PHKA2: variants seen among roughly 807,000 people sequenced by gnomAD.
PHKA2 encodes phosphorylase b kinase regulatory subunit alpha, liver isoform.
PHKA2 carries 31 observed loss-of-function variants against 102.0 expected under a neutral mutation model. The observed-to-expected ratio is 0.30, with a 90% CI of 0.23 to 0.41. PHKA2 has a LOEUF of 0.41. PHKA2 is among the 10% of genes least tolerant of loss of function. The pLI, the probability that PHKA2 is intolerant of heterozygous loss-of-function variation, is 1.00. For synonymous variants in PHKA2, 455 were observed against 416.2 expected (o/e 1.09, Z -1.13); for missense variants, 858 against 1,023.1 (o/e 0.84, Z 2.20).
chrX:18,927,565 C>T (rs1453220255), intron 13 of PHKA2, among the ~76,000 whole-genome samples: 6 of 112,187 alleles, frequency 5.3e-5, no homozygotes, highest in Non-Finnish European at 1.1e-4. Context: ...ATGTACAATA[C>T]ATATACATGC....
At chrX:18,899,354 G>T in intron 28 of PHKA2, 128 bp from the exon 29 acceptor site, 2 of 587,356 alleles carry the variant, frequency 3.4e-6, no homozygotes, top group East Asian at 7.1e-5. Flanking sequence ...GCGCAGAGAA[G>T]GTGCCACAGC....
chrX:18,910,599 T>C (rs1457543062), intron 20 of PHKA2, among the ~76,000 whole-genome samples: 1 of 112,328 alleles, frequency 8.9e-6, no homozygotes, highest in African/African-American at 3.2e-5. Flanking sequence ...AGTGGCTACA[T>C]AGACTCTGAT....
In PHKA2 at chrX:18,929,419, T is replaced by G. The variant is rs960737319; in HGVS notation, c.1246-113A>C. On this transcript the variant is annotated intron_variant, in intron 12 of 32. Transcript: ENST00000379942. ...GCTCAACATATTCAAGACTTTTTTCTTTATATTTTTCGAGTCAATTGCTTA... is the reference window on the plus strand; with the variant it reads ...GCTCAACATATTCAAGACTTTTTTCGTTATATTTTTCGAGTCAATTGCTTA... 24 of 551,949 alleles carry G rather than the reference T, an allele frequency of 4.3e-5. No individual in the cohort carries two copies. In the African/African-American group the frequency reaches 4.8e-4, roughly 11 times the overall value. 45.5% of individuals were successfully genotyped at this position (551,949 alleles called of 1,213,427 possible).
intron 1 of PHKA2, among the ~76,000 whole-genome samples, chrX:18,972,636 A>C (rs2049031762): frequency 8.9e-6 from 1 of 112,023 alleles, no homozygotes; most frequent in African/African-American, 3.2e-5. Flanking sequence ...TGCTACTGTG[A>C]ATGCTTTTCT....
intron 2 of PHKA2, among the ~76,000 whole-genome samples, chrX:18,953,714 C>T (rs1311951971): frequency 1.8e-5 from 2 of 112,070 alleles, no homozygotes; most frequent in African/African-American, 6.5e-5. Context: ...CAGCCAGGTG[C>T]GGTGGCTCAG....
In PHKA2 at chrX:18,920,099, G is replaced by A. The variant is rs139852230; in HGVS notation, c.1896C>T (p.Ser632=). Residue 632 remains serine (S), a synonymous_variant, in exon 18 of 33, where the codon AGC becomes AGT. Transcript: ENST00000379942. The stretch of plus-strand genomic sequence containing the variant: ...CACTATCAGGACTGAAAGTCCCTTC[G>A]CTGGCATTGTCAAACAACTTCTCAT... The part of the protein sequence containing the change: ...DCDEKLFDNA[S]EGTFSPDSDS... 2.9e-4 allele frequency: 343 copies of A among 1,183,667 alleles called. 1 individual carries two copies. In the African/African-American group the frequency reaches 3.7e-3, roughly 13 times the overall value.
intron 13 of PHKA2, among the ~76,000 whole-genome samples, chrX:18,928,772 C>G (rs1347991262): frequency 1.8e-5 from 2 of 112,447 alleles, no homozygotes; most frequent in African/African-American, 6.5e-5. Context: ...GCAGCAGCAG[C>G]CTGGGCTGGT....
At position 18,948,749 on chromosome X, in the gene PHKA2, C is replaced by T; in HGVS notation, c.532G>A (p.Val178Ile). The T allele has an allele frequency of 8.6e-7, 1 of 1,161,412 alleles. No individual in the cohort carries two copies. Among genetic ancestry groups the T allele is most frequent in the Non-Finnish European group, 1.2e-6 (1 of 851,598 alleles). ...LVFYIEAAYK[V>I]ADYGMWERGD... ...CTACCAGGGTTGATACTTACAGCGA[C>T]TTTATATGCAGCTTCTATGTAAAAG... Residue 178 changes from valine to isoleucine, a missense_variant, in exon 5 of 33, where the codon GTC (valine) becomes ATC (isoleucine). Physicochemically the swap from Val to Ile is conservative, Grantham distance 29 (BLOSUM62 3). Transcript: ENST00000379942.
chrX:18,973,011 T>C (rs2049036568), intron 1 of PHKA2, among the ~76,000 whole-genome samples: 1 of 112,131 alleles, frequency 8.9e-6, no homozygotes, highest in South Asian at 3.7e-4. Context: ...GTCTAAGAGG[T>C]GCTTTTTCTG....
intron 19 of PHKA2, among the ~76,000 whole-genome samples, chrX:18,916,830 C>T (rs1024254780): frequency 1.8e-5 from 2 of 111,491 alleles, no homozygotes; most frequent in African/African-American, 6.5e-5. Context: ...TATAAATTAC[C>T]CAGTCTCAGG....
chrX:18,978,723 TAAAATA>T (rs1481376370), intron 1 of PHKA2, among the ~76,000 whole-genome samples: 2 of 109,989 alleles, frequency 1.8e-5, no homozygotes, highest in African/African-American at 6.6e-5. Flanking sequence ...AAAAAAAAAT[TAAAATA>T]AAAATAAAGT....
chrX:18,929,135 T>TA (rs1412252655), intron 13 of PHKA2, 93 bp downstream of exon 13: 2 of 644,738 alleles, frequency 3.1e-6, no homozygotes, highest in African/African-American at 4.4e-5. Flanking sequence ...ATACACACTT[T>TA]AAAAAAATTA....
chrX:18,905,424 C>T (rs1466337813), intron 26 of PHKA2, among the ~76,000 whole-genome samples: 1 of 111,937 alleles, frequency 8.9e-6, no homozygotes. Flanking sequence ...ATCCGCCCAC[C>T]TCAGCCTCCC....
At chrX:18,960,467 A>G (rs182273560) in intron 1 of PHKA2, among the ~76,000 whole-genome samples, 1 of 111,847 alleles carries the variant, frequency 8.9e-6, no homozygotes, top group African/African-American at 3.2e-5. Flanking sequence ...GCTTTTATTC[A>G]TGGTGGAAGG....
chrX:18,954,607 C>A (rs1223813649), intron 1 of PHKA2, among the ~76,000 whole-genome samples, 195 bp from the exon 2 acceptor site: 1 of 112,595 alleles, frequency 8.9e-6, no homozygotes, highest in Non-Finnish European at 1.9e-5. Flanking sequence ...AGTTTCCTCA[C>A]TTGTATAATG....
intron 28 of PHKA2, among the ~76,000 whole-genome samples, chrX:18,900,100 A>G (rs756578432): frequency 9.0e-6 from 1 of 111,551 alleles, no homozygotes; most frequent in African/African-American, 3.3e-5. Context: ...GGAGAGATAA[A>G]GCATGTTTTA....
At chrX:18,943,908 C>T in intron 6 of PHKA2, 100 bp from the exon 7 acceptor site, 1 of 605,482 alleles carries the variant, frequency 1.7e-6, no homozygotes, top group Non-Finnish European at 2.9e-6. Flanking sequence ...CATGTTTTCC[C>T]AAAGGTAATG....
At chrX:18,908,675 C>T (rs1008189653) in intron 21 of PHKA2, 126 bp downstream of exon 21, 9 of 592,307 alleles carry the variant, frequency 1.5e-5, no homozygotes, top group African/African-American at 1.3e-4. Context: ...CCTTCCCAGA[C>T]ATCAAATCGG....
chrX:18,919,887 T>C, intron 18 of PHKA2, 145 bp downstream of exon 18: 2 of 533,905 alleles, frequency 3.7e-6, no homozygotes, highest in African/African-American at 4.6e-5. Flanking sequence ...TTTTAATATA[T>C]GCAAGTTTCA....
Sources: allele counts gnomAD v4.1 joint callset (sites outside exome capture counted in the v4.1 genomes callset), GRCh38; gene constraint gnomAD v4.1.1; transcripts MANE v1.5; gene names NCBI Gene and HGNC (gene_info 2026-07-23, HGNC 2026-07-21).